ZFHX3: variants seen among roughly 807,000 people sequenced by gnomAD.
ZFHX3 encodes zinc finger homeobox 3.
ZFHX3 carries 42 observed loss-of-function variants against 279.1 expected under a neutral mutation model. The ratio of observed to expected loss-of-function variants is 0.15; its 90% CI spans 0.12 to 0.19. ZFHX3 has a LOEUF of 0.19. ZFHX3 is among the 10% of genes least tolerant of loss of function. ZFHX3 has a pLI of 1.00. For missense variants in ZFHX3, 4,981 were observed against 4,754.0 expected (o/e 1.05, Z -1.40); for synonymous variants, 2,293 against 1,957.8 (o/e 1.17, Z -4.52).
At chr16:72,826,857 T>A (rs2036945872) in intron 5 of ZFHX3, among the ~76,000 whole-genome samples, 1 of 152,208 alleles carries the variant, frequency 6.6e-6, no homozygotes, top group Non-Finnish European at 1.5e-5. Flanking sequence ...ATTCATTTTT[T>A]ATGGTGCTCA....
At chr16:73,646,537 G>T (rs1346489589) in intron 2 of ZFHX3, among the ~76,000 whole-genome samples, 2 of 152,000 alleles carry the variant, frequency 1.3e-5, no homozygotes, top group Non-Finnish European at 2.9e-5. Context: ...TAAAATAGAT[G>T]AAAAGATCTG....
intron 8 of ZFHX3, among the ~76,000 whole-genome samples, chr16:73,084,514 A>AT (rs34134596): frequency 0.06 from 5,580 of 92,594 alleles, 504 homozygotes; most frequent in African/African-American, 0.17. Context: ...CTAGGACTAA[A>AT]TTTTTTTTTT....
chr16:73,787,761 G>A (rs745775865), intron 1 of ZFHX3, among the ~76,000 whole-genome samples: 19 of 151,126 alleles, frequency 1.3e-4, no homozygotes, highest in Non-Finnish European at 8.8e-5. Context: ...TCCCAACACT[G>A]GATAGGCCTA....
chr16:73,727,218 C>T (rs2053526307), intron 1 of ZFHX3, among the ~76,000 whole-genome samples: 1 of 152,196 alleles, frequency 6.6e-6, no homozygotes, highest in Non-Finnish European at 1.5e-5. Flanking sequence ...TCCTGGCAGG[C>T]AGCAGAGCTG....
intron 3 of ZFHX3, among the ~76,000 whole-genome samples, chr16:73,336,827 C>T (rs925121244): frequency 1.8e-4 from 28 of 152,142 alleles, no homozygotes; most frequent in African/African-American, 6.8e-4. Flanking sequence ...TCTCAAGGGT[C>T]ATCAACCCTT....
chr16:73,163,508 A>G (rs534743729), intron 5 of ZFHX3, among the ~76,000 whole-genome samples: 1 of 152,370 alleles, frequency 6.6e-6, no homozygotes, highest in Non-Finnish European at 1.5e-5. Context: ...ACAAAAGCAC[A>G]GTTGAGAGTA....
rs2018722825 is a variant in ZFHX3 at position 73,474,133 on chromosome 16, A to T, written c.-1546-17875T>A. On this transcript the variant is annotated intron_variant, in intron 2 of 17. Transcript: ENST00000641206. ...GGGGTCTGGATTCTCGCTCTTTTTT[A>T]TTTATTTATTTATTTATTTATTGAG... Among the ~76,000 whole-genome samples the T allele has an allele frequency of 2.0e-5, 3 of 148,628 alleles. No individual in the cohort carries two copies. The Admixed American group carries it at 2.2e-4, about 11-fold the overall frequency.
chr16:73,625,829 C>T (rs1335848573), intron 2 of ZFHX3, among the ~76,000 whole-genome samples: 1 of 152,140 alleles, frequency 6.6e-6, no homozygotes, highest in African/African-American at 2.4e-5. Flanking sequence ...AGCTGCCTGT[C>T]CTCTGTGAAA....
intron 7 of ZFHX3, among the ~76,000 whole-genome samples, chr16:73,096,727 C>T (rs997562024): frequency 2.6e-5 from 4 of 151,946 alleles, no homozygotes; most frequent in Admixed American, 2.6e-4. Context: ...TGAAGCTGAA[C>T]TTCTGATGGT....
rs1248510597 is a variant in ZFHX3, at chr16:72,959,137, C to T, written c.1009G>A (p.Val337Ile). Residue 337 changes from valine (V) to isoleucine (I), a missense_variant, in exon 2 of 10, where the codon GTA becomes ATA. Coordinates refer to ENST00000268489, the MANE Select transcript of ZFHX3 (RefSeq NM_006885.4). ...TTGTTTTTTGGTTCCAGAAAACTTA[C>T]AAGGGGTTCCTTGTCTTTGCCGATC... ...QGIGKDKEPL[V>I]SFLEPKNKNF... 6 of 1,614,228 alleles carry T rather than the reference C, an allele frequency of 3.7e-6. No homozygotes were observed. The highest frequency in any genetic ancestry group is 5.1e-6 in the Non-Finnish European group (6 of 1,180,034).
chr16:73,832,038 T>C (rs2142358927), intron 1 of ZFHX3, among the ~76,000 whole-genome samples: 1 of 152,256 alleles, frequency 6.6e-6, no homozygotes, highest in East Asian at 1.9e-4. Context: ...GTAGCTGGGA[T>C]TATAGGCACA....
At chr16:73,146,723 C>T (rs923608396) in intron 5 of ZFHX3, among the ~76,000 whole-genome samples, 57 of 151,778 alleles carry the variant, frequency 3.8e-4, no homozygotes, top group African/African-American at 1.3e-3. Context: ...GAGTGCAGTG[C>T]CACAATCCTG....
At chr16:73,112,198 G>A (rs576127143) in intron 7 of ZFHX3, among the ~76,000 whole-genome samples, 3 of 151,982 alleles carry the variant, frequency 2.0e-5, no homozygotes, top group South Asian at 4.2e-4. Context: ...GGATAAGAAG[G>A]AGAGAAAAAG....
At chr16:72,928,432 C>T (rs536353549) in intron 3 of ZFHX3, among the ~76,000 whole-genome samples, 14 of 152,060 alleles carry the variant, frequency 9.2e-5, no homozygotes, top group African/African-American at 3.4e-4. Flanking sequence ...GCGCCCCCAC[C>T]ACAACCCCTC....
intron 2 of ZFHX3, among the ~76,000 whole-genome samples, chr16:73,482,379 C>A (rs531007939): frequency 4.6e-5 from 7 of 151,828 alleles, no homozygotes; most frequent in African/African-American, 1.5e-4. Context: ...GATCTGCTAT[C>A]CCAGCCCAGA....
intron 2 of ZFHX3, among the ~76,000 whole-genome samples, chr16:73,574,617 G>T (rs973208048): frequency 2.6e-5 from 4 of 152,080 alleles, no homozygotes; most frequent in African/African-American, 9.7e-5. Flanking sequence ...AGTGACAATG[G>T]GTGAAGGGAT....
chr16:73,449,656 A>G (rs1028079643), intron 3 of ZFHX3, among the ~76,000 whole-genome samples: 1 of 152,208 alleles, frequency 6.6e-6, no homozygotes, highest in African/African-American at 2.4e-5. Flanking sequence ...GTGGCTTGAG[A>G]ACAAGATGAC....
intron 3 of ZFHX3, among the ~76,000 whole-genome samples, chr16:73,417,099 G>T (rs1209563065): frequency 6.6e-6 from 1 of 151,960 alleles, no homozygotes; most frequent in Admixed American, 6.6e-5. Context: ...CTCTGCTATT[G>T]CTGCCCAAAA....
At chr16:73,574,412 C>T (rs1597006656) in intron 2 of ZFHX3, among the ~76,000 whole-genome samples, 1 of 152,118 alleles carries the variant, frequency 6.6e-6, no homozygotes, top group Non-Finnish European at 1.5e-5. Context: ...TTTCATATAC[C>T]TTAGTTTGGA....
Sources: allele counts gnomAD v4.1 joint callset (sites outside exome capture counted in the v4.1 genomes callset), GRCh38; gene constraint gnomAD v4.1.1; transcripts MANE v1.5; gene names NCBI Gene and HGNC (gene_info 2026-07-23, HGNC 2026-07-21).